Variants in HS6ST3 observed in about 807,000 individuals in gnomAD.
HS6ST3 encodes the protein heparan sulfate 6-O-sulfotransferase 3, also known as heparan-sulfate 6-O-sulfotransferase 3.
A neutral mutation model predicts 36.7 loss-of-function variants in HS6ST3; 12 were observed. That is an observed-to-expected ratio of 0.33 (90% CI 0.21 to 0.53). HS6ST3 has a LOEUF of 0.53. HS6ST3 is among the 20% of genes least tolerant of loss of function. HS6ST3 has a pLI of 0.95. For synonymous variants in HS6ST3, 240 were observed against 257.5 expected (o/e 0.93, Z 0.65); for missense variants, 584 against 640.9 (o/e 0.91, Z 0.96).
chr13:96,740,192 C>T (rs189371129), intron 1 of HS6ST3, among the ~76,000 whole-genome samples: 21 of 152,236 alleles, frequency 1.4e-4, no homozygotes, highest in African/African-American at 1.2e-4. Flanking sequence ...CTTCAAGGTA[C>T]GTGATACTGA....
chr13:96,282,447 T>C (rs1419361442), intron 1 of HS6ST3, among the ~76,000 whole-genome samples: 2 of 152,126 alleles, frequency 1.3e-5, no homozygotes, highest in East Asian at 1.9e-4. Flanking sequence ...TGAATTCCCA[T>C]GCAGAGTAGA....
intron 1 of HS6ST3, among the ~76,000 whole-genome samples, chr13:96,131,004 T>A (rs913171366): frequency 6.6e-6 from 1 of 152,130 alleles, no homozygotes; most frequent in Non-Finnish European, 1.5e-5. Flanking sequence ...TCCCTCCCAC[T>A]ACCAAGCAGA....
intron 1 of HS6ST3, among the ~76,000 whole-genome samples, chr13:96,543,073 C>G (rs913862427): frequency 6.6e-6 from 1 of 152,096 alleles, no homozygotes; most frequent in African/African-American, 2.4e-5. Context: ...ATACCATGTC[C>G]CTATCTTTAC....
chr13:96,137,175 A>T (rs970498792), intron 1 of HS6ST3, among the ~76,000 whole-genome samples: 2 of 2,706 alleles, frequency 7.4e-4, no homozygotes, highest in Admixed American at 3.4e-3. Context: ...CCCCACCCCC[A>T]TTTAATAACC....
At chr13:96,638,103 G>A (rs1161742775) in intron 1 of HS6ST3, among the ~76,000 whole-genome samples, 2 of 152,018 alleles carry the variant, frequency 1.3e-5, no homozygotes, top group Admixed American at 1.3e-4. Context: ...CTACTACTTG[G>A]AACTTTTAGT....
At chr13:96,486,405 G>A (rs2055914882) in intron 1 of HS6ST3, among the ~76,000 whole-genome samples, 2 of 152,068 alleles carry the variant, frequency 1.3e-5, no homozygotes, top group African/African-American at 4.8e-5. Context: ...TGGGTCAAAT[G>A]GTATTTCTAG....
In HS6ST3 at chr13:96,111,057, A is replaced by G. The variant is rs191636018; in HGVS notation, c.707+19488A>G. 3.9e-5 allele frequency among the ~76,000 whole-genome samples: 6 copies of G among 152,316 alleles called. No homozygotes were observed. The East Asian group carries it at 9.7e-4, about 25-fold the overall frequency. ...TATTATTAAAAATATTAGAAGTACCATGGTTTATGAAAAATGCTTATTTTA... is the reference window on the plus strand; with the variant it reads ...TATTATTAAAAATATTAGAAGTACCGTGGTTTATGAAAAATGCTTATTTTA... On this transcript the variant is annotated intron_variant, in intron 1 of 1. Transcript: ENST00000376705.
At chr13:96,221,974 A>G (rs1244554910) in intron 1 of HS6ST3, among the ~76,000 whole-genome samples, 2 of 152,222 alleles carry the variant, frequency 1.3e-5, no homozygotes, top group Non-Finnish European at 1.5e-5. Flanking sequence ...ATTAACTGTT[A>G]TTTTAAATTT....
At chr13:96,485,779 A>G (rs1056653264) in intron 1 of HS6ST3, among the ~76,000 whole-genome samples, 1 of 152,200 alleles carries the variant, frequency 6.6e-6, no homozygotes, top group Non-Finnish European at 1.5e-5. Flanking sequence ...AGTTCTACTG[A>G]CATGACATGT....
chr13:96,369,112 C>A (rs1007368703), intron 1 of HS6ST3, among the ~76,000 whole-genome samples: 1 of 151,898 alleles, frequency 6.6e-6, no homozygotes, highest in African/African-American at 2.4e-5. Context: ...GGGGAGGTTG[C>A]GTACCGATAA....
chr13:96,266,594 G>A (rs2054693520), intron 1 of HS6ST3, among the ~76,000 whole-genome samples: 1 of 152,028 alleles, frequency 6.6e-6, no homozygotes, highest in African/African-American at 2.4e-5. Context: ...CAGAACAAAG[G>A]GCTGGGAGAC....
At chr13:96,765,158 C>A (rs1031209669) in intron 1 of HS6ST3, among the ~76,000 whole-genome samples, 21 of 151,238 alleles carry the variant, frequency 1.4e-4, no homozygotes, top group Non-Finnish European at 3.1e-4. Context: ...ACTGCAAGCT[C>A]CGCCTTCTGG....
intron 1 of HS6ST3, among the ~76,000 whole-genome samples, chr13:96,605,632 T>A (rs2056435970): frequency 6.6e-6 from 1 of 152,100 alleles, no homozygotes; most frequent in African/African-American, 2.4e-5. Flanking sequence ...TATTGCCTAC[T>A]TTTTCAAGAA....
At chr13:96,498,832 A>T (rs2055989816) in intron 1 of HS6ST3, among the ~76,000 whole-genome samples, 1 of 152,164 alleles carries the variant, frequency 6.6e-6, no homozygotes, top group African/African-American at 2.4e-5. Context: ...GCTGAATTAA[A>T]TCTTTTCCCT....
In HS6ST3 at chr13:96,139,042, C is replaced by T. The variant is rs9562035; in HGVS notation, c.707+47473C>T. Among the ~76,000 whole-genome samples the T allele has an allele frequency of 1.2e-3, 182 of 152,112 alleles. 1 individual carries two copies. Among genetic ancestry groups the T allele is most frequent in the East Asian group, 3.7e-3 (19 of 5,174 alleles). On this transcript the variant is annotated intron_variant, in intron 1 of 1. Transcript: ENST00000376705. Reference sequence around the variant, plus strand: ...AAAGTAAAGCAAGCCTTGAATTAGGCGATCTAAGTATACAGCAAACGTTTT... The same window carrying T: ...AAAGTAAAGCAAGCCTTGAATTAGGTGATCTAAGTATACAGCAAACGTTTT...
At chr13:96,302,458 A>C (rs1261907899) in intron 1 of HS6ST3, among the ~76,000 whole-genome samples, 1 of 152,182 alleles carries the variant, frequency 6.6e-6, no homozygotes, top group African/African-American at 2.4e-5. Flanking sequence ...GTAGGTATTC[A>C]AATAGATAAA....
At chr13:96,438,823 T>G (rs2055655609) in intron 1 of HS6ST3, among the ~76,000 whole-genome samples, 1 of 152,140 alleles carries the variant, frequency 6.6e-6, no homozygotes, top group Non-Finnish European at 1.5e-5. Flanking sequence ...CCTGGCATTG[T>G]GGGAGGCCGA....
At chr13:96,418,885 C>T (rs2055548217) in intron 1 of HS6ST3, among the ~76,000 whole-genome samples, 1 of 152,226 alleles carries the variant, frequency 6.6e-6, no homozygotes, top group Non-Finnish European at 1.5e-5. Flanking sequence ...CCTTAGCTTC[C>T]TCAAGATCAA....
chr13:96,220,849 T>C (rs2054451544), intron 1 of HS6ST3, among the ~76,000 whole-genome samples: 1 of 152,198 alleles, frequency 6.6e-6, no homozygotes, highest in Non-Finnish European at 1.5e-5. Context: ...AAGCATCCTG[T>C]TTGCAGTTAC....
Sources: gnomAD v4.1 joint callset for allele counts (sites outside exome capture counted in the v4.1 genomes callset) on GRCh38, gnomAD v4.1.1 for gene constraint, MANE v1.5 for transcripts, NCBI Gene and HGNC (gene_info 2026-07-23, HGNC 2026-07-21) for gene names.